PCDHGA10: variants seen among roughly 807,000 people sequenced by gnomAD.
The protein encoded by PCDHGA10 is protocadherin gamma-A10.
A neutral mutation model predicts 59.5 loss-of-function variants in PCDHGA10; 42 were observed. That is an observed-to-expected ratio of 0.71 (90% CI 0.55 to 0.91). The LOEUF (loss-of-function observed/expected upper bound fraction) is 0.91, where lower values mean the gene tolerates loss of function less well. Ranked by LOEUF, PCDHGA10 falls within the 40% of genes least tolerant of loss-of-function variation. The pLI, the probability that PCDHGA10 is intolerant of heterozygous loss-of-function variation, is 0.00. For missense variants in PCDHGA10, 1,111 were observed against 1,198.2 expected (o/e 0.93, Z 1.07); for synonymous variants, 511 against 517.2 (o/e 0.99, Z 0.16).
intron 1 of PCDHGA10, chr5:141,478,214 C>T (rs1258200424): frequency 6.2e-7 from 1 of 1,614,140 alleles, no homozygotes; most frequent in Admixed American, 1.7e-5. Flanking sequence ...TTCTCTAATC[C>T]TGGTTTCTGT....
In PCDHGA10 at chr5:141,490,262, G is replaced by A; in HGVS notation, c.2437-4545G>A. 1.2e-6 allele frequency: 2 copies of A among 1,614,206 alleles called. No homozygotes were observed. Among genetic ancestry groups the A allele is most frequent in the South Asian group, 1.1e-5 (1 of 91,086 alleles). On this transcript the variant is annotated intron_variant, in intron 1 of 3. Transcript: ENST00000398610. The surrounding 1 kb of genome is among the most constrained non-coding windows in gnomAD (Gnocchi z 5.4). ...CACTGTGTGATTCAAGTGGATGTGGGGGATGTCAATGACAATGCCCCAGAG... is the reference window on the plus strand; with the variant it reads ...CACTGTGTGATTCAAGTGGATGTGGAGGATGTCAATGACAATGCCCCAGAG...
At position 141,414,738 on chromosome 5, in the gene PCDHGA10, C is replaced by A; in HGVS notation, c.1563C>A (p.Leu521=). The A allele has an allele frequency of 6.2e-7, 1 of 1,614,238 alleles. No individual in the cohort carries two copies. The highest frequency in any genetic ancestry group is 8.5e-7 in the Non-Finnish European group (1 of 1,180,046). ...INSDTGVLYA[L]RSFDYEQFHE... ...CAGACACTGGCGTCCTGTATGCACT[C>A]AGATCCTTCGACTATGAGCAGTTTC... The change falls in exon 1 of 4, where the codon CTC becomes CTA. Residue 521 remains leucine (L), a synonymous_variant. Coordinates refer to ENST00000398610, the MANE Select transcript of PCDHGA10 (RefSeq NM_018913.3).
chr5:141,491,110 C>T lies in PCDHGA10; in HGVS notation c.2437-3697C>T. On this transcript the variant is annotated intron_variant, in intron 1 of 3. Transcript: ENST00000398610. This position sits in a 1 kb window ranked among gnomAD's most constrained non-coding sequence, Gnocchi z 6.9. ...CCCAGGACTGTTCCTCGTGTCTACA[C>T]ACACTGGTGAGGTGCGCACAGCCCG... 3.7e-6 allele frequency: 6 copies of T among 1,614,212 alleles called. No individual in the cohort carries two copies. Among genetic ancestry groups the T allele is most frequent in the Non-Finnish European group, 5.1e-6 (6 of 1,180,024 alleles).
chr5:141,471,047 T>C (rs1270779800), intron 1 of PCDHGA10, among the ~76,000 whole-genome samples: 3 of 63,666 alleles, frequency 4.7e-5, no homozygotes. Flanking sequence ...CCAAGCCCTC[T>C]TTTTTTTTTT....
intron 2 of PCDHGA10, among the ~76,000 whole-genome samples, chr5:141,498,451 T>C (rs1426888821): frequency 6.6e-6 from 1 of 152,126 alleles, no homozygotes; most frequent in Non-Finnish European, 1.5e-5. Context: ...AGGTTCCTTT[T>C]ATCCAGTCTA....
rs1485715812 is a variant in PCDHGA10, at chr5:141,485,804, G to T, written c.2437-9003G>T. The T allele has an allele frequency of 6.2e-7, 1 of 1,614,218 alleles. No individual in the cohort carries two copies. The highest frequency in any genetic ancestry group is 1.7e-5 in the Admixed American group (1 of 60,026). ...AGAGAAGCAATCGGACTACCGCCTG[G>T]TGCTGACTGCTGTCGATGGAGGGAA... On this transcript the variant is annotated intron_variant, in intron 1 of 3. Coordinates refer to ENST00000398610, the MANE Select transcript of PCDHGA10 (RefSeq NM_018913.3). This position sits in a 1 kb window ranked among gnomAD's most constrained non-coding sequence, Gnocchi z 5.7.
chr5:141,430,756 A>G (rs747363475), intron 1 of PCDHGA10: 1 of 1,503,228 alleles, frequency 6.7e-7, no homozygotes, highest in Non-Finnish European at 8.9e-7. Flanking sequence ...GGAGGAAGAT[A>G]AGAATGATTC....
At position 141,422,424 on chromosome 5, in the gene PCDHGA10, T is replaced by C. The variant is rs1182660567; in HGVS notation, c.2436+6813T>C. The C allele has an allele frequency of 2.5e-6, 4 of 1,608,076 alleles. No homozygotes were observed. The East Asian group carries it at 6.7e-5, about 27-fold the overall frequency. On this transcript the variant is annotated intron_variant, in intron 1 of 3. Transcript: ENST00000398610. ...TGCCTTTTAAATTAGAAAAGACTTA[T>C]GGAAATTATTACAAATTGATAACAA...
intron 1 of PCDHGA10, among the ~76,000 whole-genome samples, chr5:141,443,537 T>C (rs986467958): frequency 6.6e-6 from 1 of 152,180 alleles, no homozygotes; most frequent in African/African-American, 2.4e-5. Flanking sequence ...ATTTAAAGCT[T>C]GGGAAATTGT....
chr5:141,496,081 C>A (rs976166091), intron 2 of PCDHGA10, among the ~76,000 whole-genome samples: 1 of 152,060 alleles, frequency 6.6e-6, no homozygotes, highest in Non-Finnish European at 1.5e-5. Flanking sequence ...CACAACCCCC[C>A]ACCCACCACC....
At position 141,512,350 on chromosome 5, in the gene PCDHGA10, G is replaced by C. The variant is rs1406428686; in HGVS notation, c.*1177G>C. ...CCATTCTTAGTCCCTGGGTTGGGGA[G>C]GCAGGGAGCTAGGGCAGGGACCAAA... is the stretch of plus-strand genomic sequence containing the variant. On this transcript the variant is annotated 3_prime_UTR_variant, in exon 4 of 4. Transcript: ENST00000398610. The C allele has an allele frequency of 6.5e-6, 1 of 152,906 alleles. No homozygotes were observed. The highest frequency in any genetic ancestry group is 1.9e-4 in the East Asian group (1 of 5,208). 9.5% of individuals were successfully genotyped at this position (152,906 alleles called of 1,614,324 possible).
chr5:141,483,472 T>C (rs1457039859), intron 1 of PCDHGA10, among the ~76,000 whole-genome samples: 2 of 152,076 alleles, frequency 1.3e-5, no homozygotes, highest in Non-Finnish European at 2.9e-5. Flanking sequence ...TGACATGATA[T>C]AGGAAGTGAG....
rs752708726 is a variant in PCDHGA10 at position 141,413,991 on chromosome 5, C to T, written c.816C>T (p.Asp272=). 1.9e-6 allele frequency: 3 copies of T among 1,613,494 alleles called. No homozygotes were observed. The East Asian group carries it at 6.7e-5, about 36-fold the overall frequency. The part of the protein sequence containing the change: ...GTQLLTVTAT[D]RDEGANGEVT... ...AGCTGCTGACAGTCACAGCCACCGA[C>T]AGGGACGAAGGTGCCAATGGAGAAG... The change falls in exon 1 of 4, where the codon GAC becomes GAT. Residue 272 remains aspartate (D), a synonymous_variant. Coordinates refer to ENST00000398610, the MANE Select transcript of PCDHGA10 (RefSeq NM_018913.3).
At position 141,491,733 on chromosome 5, in the gene PCDHGA10, TGGGGGCGGCAC is replaced by T; in HGVS notation, c.2437-3073_2437-3063del. 1.9e-6 allele frequency: 3 copies of T among 1,602,698 alleles called. No individual in the cohort carries two copies. The highest frequency in any genetic ancestry group is 2.6e-6 in the Non-Finnish European group (3 of 1,175,258). On this transcript the variant is annotated intron_variant, in intron 1 of 3. Coordinates refer to ENST00000398610, the MANE Select transcript of PCDHGA10 (RefSeq NM_018913.3). The surrounding 1 kb of genome is among the most constrained non-coding windows in gnomAD (Gnocchi z 6.9). ...GCTCGGCGCCGCCCCGGGCGACCCC[TGGGGGCGGCAC>T]TGGAGAAGCCGCCCGTCCTCATAAG...
intron 1 of PCDHGA10, among the ~76,000 whole-genome samples, chr5:141,454,209 T>A (rs2098783885): frequency 6.6e-6 from 1 of 152,088 alleles, no homozygotes; most frequent in South Asian, 2.1e-4. Flanking sequence ...TTTATTGACA[T>A]GAATGAGAAA....
chr5:141,451,001 A>T (rs909477017), intron 1 of PCDHGA10, among the ~76,000 whole-genome samples: 2 of 148,266 alleles, frequency 1.3e-5, no homozygotes, highest in Middle Eastern at 3.4e-3. Context: ...ATTTTTTTGT[A>T]TTTTTTTTAG....
Position 141,432,123 on chromosome 5 carries a change from C to G in PCDHGA10, c.2436+16512C>G, listed in dbSNP as rs1224794803. On this transcript the variant is annotated intron_variant, in intron 1 of 3. Transcript: ENST00000398610. This position sits in a 1 kb window ranked among gnomAD's most constrained non-coding sequence, Gnocchi z 6.0. ...GACAACCCGCCGGTCTTCCCTCAGG[C>G]CTCCTATTCCGCTTATATCCCAGAG... 1 of 1,614,172 alleles carries G rather than the reference C, an allele frequency of 6.2e-7. No homozygotes were observed. Among genetic ancestry groups the G allele is most frequent in the Admixed American group, 1.7e-5 (1 of 60,022 alleles).
intron 1 of PCDHGA10, chr5:141,471,339 C>G (rs537413312): frequency 2.6e-5 from 4 of 152,366 alleles, no homozygotes; most frequent in Admixed American, 2.6e-4. Context: ...GTATGATCCA[C>G]TGCGCCCGGC....
At chr5:141,482,382 T>C (rs935517099) in intron 1 of PCDHGA10, among the ~76,000 whole-genome samples, 1 of 152,146 alleles carries the variant, frequency 6.6e-6, no homozygotes, top group Admixed American at 6.6e-5. Context: ...ATAAAGTCCC[T>C]GTATGGAGCA....
Sources: allele counts gnomAD v4.1 joint callset (sites outside exome capture counted in the v4.1 genomes callset), GRCh38; gene constraint gnomAD v4.1.1; non-coding constraint Gnocchi (gnomAD v3.1); transcripts MANE v1.5; gene names NCBI Gene and HGNC (gene_info 2026-07-23, HGNC 2026-07-21).